UBR4: variants seen among roughly 807,000 people sequenced by gnomAD.
UBR4 encodes the protein E3 ubiquitin-protein ligase UBR4.
A neutral mutation model predicts 575.6 loss-of-function variants in UBR4; 124 were observed. That is an observed-to-expected ratio of 0.22 (90% CI 0.19 to 0.25). The LOEUF is 0.25. Among genes scored for constraint, UBR4 ranks in the 10% least tolerant of loss-of-function variants. The pLI, the probability that UBR4 is intolerant of heterozygous loss-of-function variation, is 1.00. For missense variants in UBR4, 4,818 were observed against 6,478.8 expected (o/e 0.74, Z 8.80); for synonymous variants, 2,455 against 2,473.7 (o/e 0.99, Z 0.22).
At chr1:19,199,563 GA>G in intron 3 of UBR4, 87 bp downstream of exon 3, 8 of 1,250,366 alleles carry the variant, frequency 6.4e-6, no homozygotes, top group Non-Finnish European at 8.0e-6. Context: ...GCCTATTACA[GA>G]AAAAGTTCAC....
chr1:19,110,035 C>T lies in UBR4; in HGVS notation c.12105+61G>A. ...ACCATGAGGAGGCAGGGCACACTGC[C>T]AGGGAATGAGGAGGGTGGCCGCCCT... On this transcript the variant is annotated intron_variant, in intron 81 of 105. Transcript: ENST00000375254. This position sits in a 1 kb window ranked among gnomAD's most constrained non-coding sequence, Gnocchi z 4.5. 6.2e-7 allele frequency: 1 copy of T among 1,607,584 alleles called. No individual in the cohort carries two copies. Among genetic ancestry groups the T allele is most frequent in the South Asian group, 1.1e-5 (1 of 90,178 alleles).
chr1:19,143,259 G>GA (rs1553178235), intron 55 of UBR4, among the ~76,000 whole-genome samples: 23 of 91,606 alleles, frequency 2.5e-4, no homozygotes, highest in Middle Eastern at 4.3e-3. Flanking sequence ...AGGAAGGAAG[G>GA]AAGAAAGAAA....
At chr1:19,188,827 G>A (rs1222131544) in intron 11 of UBR4, among the ~76,000 whole-genome samples, 1 of 151,988 alleles carries the variant, frequency 6.6e-6, no homozygotes, top group Non-Finnish European at 1.5e-5. Flanking sequence ...AAATTAGCTG[G>A]GCATGGTGGT....
rs767567359 is a variant in UBR4, at chr1:19,164,368, C to T, written c.4585G>A (p.Gly1529Ser). 9.9e-6 allele frequency: 16 copies of T among 1,614,060 alleles called. No homozygotes were observed. The highest frequency in any genetic ancestry group is 3.3e-5 in the Admixed American group (2 of 60,002). Residue 1529 changes from glycine to serine, a missense_variant, in exon 33 of 106, where the codon GGT becomes AGT. Physicochemically the swap from Gly to Ser is moderately conservative, Grantham distance 56 (BLOSUM62 0). Around this residue, in one of 29 missense-constraint regions of UBR4, gnomAD observed 1,172 missense variants for 1,259.7 expected, o/e 0.93. Coordinates refer to ENST00000375254, the MANE Select transcript of UBR4 (RefSeq NM_020765.3). ...AGTTCAGGGAAGCCAGTCCCATCAC[C>T]GTTGGCCAGCATCTCTGTTGCCATG... Reference protein sequence around the residue: ...TPMATEMLANGDGTGFPELMV... With the variant: ...TPMATEMLANSDGTGFPELMV...
At chr1:19,092,977 AGTTGTTGACTCT>A in intron 96 of UBR4, 59 bp from the exon 97 acceptor site, 1 of 1,483,032 alleles carries the variant, frequency 6.7e-7, no homozygotes, top group Admixed American at 1.9e-5. Flanking sequence ...CCTAGAAACC[AGTTGTTGACTCT>A]GGCTTGTTTA....
rs570757908 is a variant in UBR4, at chr1:19,191,114, T to C, written c.1394+1074A>G. On this transcript the variant is annotated intron_variant, in intron 11 of 105. Coordinates refer to ENST00000375254, the MANE Select transcript of UBR4 (RefSeq NM_020765.3). ...TTACATAGCTCTGTCACTTCACATA[T>C]GGTCTCTACATCATGTCTTTGGAGC... Among the ~76,000 whole-genome samples, 62 of 152,216 alleles carry C rather than the reference T, an allele frequency of 4.1e-4. 1 individual carries two copies. Among genetic ancestry groups the C allele is most frequent in the Non-Finnish European group, 7.9e-4 (54 of 68,032 alleles).
At position 19,129,010 on chromosome 1, in the gene UBR4, C is replaced by T. The variant is rs749945323; in HGVS notation, c.8971G>A (p.Val2991Ile). The change falls in exon 61 of 106, where the codon GTT becomes ATT. Residue 2991 changes from valine to isoleucine, a missense_variant. Val to Ile is a conservative substitution (Grantham distance 29, BLOSUM62 3). Around this residue, in one of 29 missense-constraint regions of UBR4, gnomAD observed 87 missense variants for 82.8 expected, o/e 1.05. Transcript: ENST00000375254. Reference protein sequence around the residue: ...LLQTLPQLRNVGGVRAIPYMQ... With the variant: ...LLQTLPQLRNIGGVRAIPYMQ... ...TATGGGATGGCCCGGACACCGCCAA[C>T]GTTTCGTAATTGAGGCAGGGTCTGC... is the stretch of plus-strand genomic sequence containing the variant. 7 of 1,613,922 alleles carry T rather than the reference C, an allele frequency of 4.3e-6. No individual in the cohort carries two copies. Among genetic ancestry groups the T allele is most frequent in the African/African-American group, 2.7e-5 (2 of 74,872 alleles).
rs2086559217 is a variant in UBR4, at chr1:19,157,127, A to T, written c.5761-202T>A. ...GGAATGTATTTCCATGGAGGACAGA[A>T]CAGGTAAGTAATGAAAACAATTTCT... On this transcript the variant is annotated intron_variant, in intron 40 of 105. Transcript: ENST00000375254. The surrounding 1 kb of genome is among the most constrained non-coding windows in gnomAD (Gnocchi z 4.4). 6.6e-6 allele frequency among the ~76,000 whole-genome samples: 1 copy of T among 152,250 alleles called. No individual in the cohort carries two copies. The highest frequency in any genetic ancestry group is 2.4e-5 in the African/African-American group (1 of 41,466).
intron 87 of UBR4, among the ~76,000 whole-genome samples, chr1:19,103,580 A>G (rs78553415): frequency 0.01 from 1,528 of 152,338 alleles, 24 homozygotes; most frequent in African/African-American, 0.035. Flanking sequence ...AATGAAAAAT[A>G]AAAAAGAGAC....
At chr1:19,130,259 G>A (rs1237055876) in intron 60 of UBR4, among the ~76,000 whole-genome samples, 1 of 152,208 alleles carries the variant, frequency 6.6e-6, no homozygotes, top group African/African-American at 2.4e-5. Flanking sequence ...AAGTCTGGAT[G>A]AAAGTACAGG....
intron 102 of UBR4, among the ~76,000 whole-genome samples, chr1:19,082,595 G>A (rs929646874): frequency 6.6e-6 from 1 of 152,146 alleles, no homozygotes; most frequent in African/African-American, 2.4e-5. Flanking sequence ...CTAACTCCAT[G>A]GGGCACTGGT....
In UBR4 at chr1:19,095,794, G is replaced by A. The variant is rs2077978260; in HGVS notation, c.13519-142C>T. Reference sequence around the variant, plus strand: ...ATGAAGAGGACAGGAGGGAGAAGCGGCTCTTCAGGGGACATGGTGAGATGG... The same window carrying A: ...ATGAAGAGGACAGGAGGGAGAAGCGACTCTTCAGGGGACATGGTGAGATGG... On this transcript the variant is annotated intron_variant, in intron 92 of 105. Transcript: ENST00000375254. 10 of 677,390 alleles carry A rather than the reference G, an allele frequency of 1.5e-5. No homozygotes were observed. In the South Asian group the frequency reaches 1.8e-4, roughly 12 times the overall value. The allele number at this position is 677,390 out of a possible 1,614,324, so 42.0% of individuals were successfully genotyped here. A position where few individuals can be genotyped will look rare whatever the true frequency, so the allele number is the denominator to read the frequency against.
chr1:19,094,741 T>C (rs1006960010), intron 94 of UBR4, among the ~76,000 whole-genome samples, 165 bp downstream of exon 94: 2 of 152,240 alleles, frequency 1.3e-5, no homozygotes, highest in African/African-American at 4.8e-5. Flanking sequence ...AGATTTCACA[T>C]TTCGATACAA....
At chr1:19,179,025 T>C (rs779625016) in intron 18 of UBR4, 26 bp downstream of exon 18, 3 of 1,606,220 alleles carry the variant, frequency 1.9e-6, no homozygotes, top group Admixed American at 1.7e-5. Context: ...ACTTTCTCTA[T>C]AGGCCTTCTC....
chr1:19,155,490 C>A lies in UBR4; in HGVS notation c.6251G>T (p.Gly2084Val). ...CAACACATTAGTGACATAGAAGGGT[C>A]CCTGCTGGGCACTGCTGGCCTCTTC... is the stretch of plus-strand genomic sequence containing the variant. ...LMEEASSAQQ[G>V]PFYVTNVLEI... Residue 2084 changes from glycine (G) to valine (V), a missense_variant, in exon 43 of 106, where the codon GGA (glycine) becomes GTA (valine). Transcript: ENST00000375254. 1 of 1,614,128 alleles carries A rather than the reference C, an allele frequency of 6.2e-7. No individual in the cohort carries two copies. The highest frequency in any genetic ancestry group is 1.1e-5 in the South Asian group (1 of 91,062).
At chr1:19,142,281 C>G (rs983001451) in intron 55 of UBR4, among the ~76,000 whole-genome samples, 2 of 152,184 alleles carry the variant, frequency 1.3e-5, no homozygotes, top group African/African-American at 4.8e-5. Context: ...AAACCATTGA[C>G]TGGAAACCAA....
chr1:19,123,474 G>C (rs1284478208), intron 65 of UBR4, among the ~76,000 whole-genome samples: 1 of 147,872 alleles, frequency 6.8e-6, no homozygotes, highest in African/African-American at 2.5e-5. Context: ...AAAAACAAAG[G>C]CTGGGGAGAA....
chr1:19,144,698 T>C, intron 54 of UBR4, 88 bp downstream of exon 54: 1 of 1,519,774 alleles, frequency 6.6e-7, no homozygotes, highest in Non-Finnish European at 8.9e-7. Context: ...TCTAAATATA[T>C]TTTATTTCAT....
chr1:19,077,896 G>T (rs773440131), intron 104 of UBR4, 80 bp downstream of exon 104: 1 of 1,609,604 alleles, frequency 6.2e-7, no homozygotes, highest in Non-Finnish European at 8.5e-7. Context: ...CCATGTGGGT[G>T]CTGAGGCAGA....
Sources: gnomAD v4.1 joint callset for allele counts (sites outside exome capture counted in the v4.1 genomes callset) on GRCh38, gnomAD v4.1.1 for gene constraint, gnomAD v4.1.1 regional missense constraint, Gnocchi (gnomAD v3.1) non-coding constraint, MANE v1.5 for transcripts, NCBI Gene and HGNC (gene_info 2026-07-23, HGNC 2026-07-21) for gene names.